The following FBXL17 variants were observed in gnomAD, a reference collection of about 807,000 sequenced individuals.
The protein encoded by FBXL17 is F-box/LRR-repeat protein 17.
A neutral mutation model predicts 66.2 loss-of-function variants in FBXL17; 22 were observed. The observed-to-expected ratio is 0.33, with a 90% CI of 0.24 to 0.47. The LOEUF is 0.47. FBXL17 is among the 20% of genes least tolerant of loss of function. FBXL17 has a pLI of 1.00. For synonymous variants in FBXL17, 474 were observed against 400.5 expected (o/e 1.18, Z -2.19); for missense variants, 878 against 948.2 (o/e 0.93, Z 0.97).
rs535921645 is a variant in FBXL17 at position 108,122,410 on chromosome 5, T to C, written c.1745+63707A>G. ...TTCATAAAGAAATACATTTTAATTT[T>C]TTGTGAAAATATCACAAATTAAGTA... On this transcript the variant is annotated intron_variant, in intron 6 of 8. Transcript: ENST00000542267. Among the ~76,000 whole-genome samples, 3 of 152,348 alleles carry C rather than the reference T, an allele frequency of 2.0e-5. No individual in the cohort carries two copies. The South Asian group carries it at 6.2e-4, about 32-fold the overall frequency.
chr5:108,214,394 G>C (rs1363476332), intron 5 of FBXL17, among the ~76,000 whole-genome samples: 1 of 143,494 alleles, frequency 7.0e-6, no homozygotes, highest in African/African-American at 2.6e-5. Context: ...TTGAGACAGA[G>C]TCTCACTCTG....
intron 6 of FBXL17, among the ~76,000 whole-genome samples, chr5:108,127,636 G>C (rs1174282455): frequency 6.6e-6 from 1 of 151,996 alleles, no homozygotes; most frequent in Non-Finnish European, 1.5e-5. Context: ...GCATGGTATT[G>C]TTTCCAATTA....
At chr5:108,227,987 G>A (rs1362054546) in intron 4 of FBXL17, among the ~76,000 whole-genome samples, 7 of 152,106 alleles carry the variant, frequency 4.6e-5, no homozygotes, top group East Asian at 1.9e-4. Flanking sequence ...ATCCATCTTC[G>A]AGGAGAGGAG....
intron 6 of FBXL17, among the ~76,000 whole-genome samples, chr5:108,134,489 A>C (rs1411894991): frequency 6.6e-6 from 1 of 152,140 alleles, no homozygotes; most frequent in Non-Finnish European, 1.5e-5. Context: ...AAGACACATA[A>C]AAATCCAACA....
intron 4 of FBXL17, among the ~76,000 whole-genome samples, chr5:108,331,136 A>G (rs554207824): frequency 5.3e-5 from 8 of 152,340 alleles, no homozygotes; most frequent in African/African-American, 1.9e-4. Flanking sequence ...TATTGTTGTC[A>G]ATGTTAAAAA....
chr5:107,970,911 C>T (rs1298460065), intron 7 of FBXL17, among the ~76,000 whole-genome samples: 3 of 152,000 alleles, frequency 2.0e-5, no homozygotes, highest in African/African-American at 7.3e-5. Context: ...CTTATGTGAG[C>T]GTCAGTTAAG....
At chr5:108,171,507 ATAACT>A (rs1256659410) in intron 6 of FBXL17, among the ~76,000 whole-genome samples, 4 of 152,242 alleles carry the variant, frequency 2.6e-5, no homozygotes, top group Non-Finnish European at 5.9e-5. Flanking sequence ...TGATAATTAA[ATAACT>A]TAATGAATGA....
intron 6 of FBXL17, among the ~76,000 whole-genome samples, chr5:108,177,078 G>C (rs116274653): frequency 1.3e-5 from 2 of 152,080 alleles, no homozygotes; most frequent in Non-Finnish European, 2.9e-5. Flanking sequence ...ATCTGCAATG[G>C]TTAAGTATTC....
At position 108,131,136 on chromosome 5, in the gene FBXL17, C is replaced by T. The variant is rs567565420; in HGVS notation, c.1745+54981G>A. Among the ~76,000 whole-genome samples, 14 of 152,196 alleles carry T rather than the reference C, an allele frequency of 9.2e-5. No homozygotes were observed. The East Asian group carries it at 2.5e-3, about 27-fold the overall frequency. ...TATGCTTGTTTTATATCTATTCTGA[C>T]ACAAACTTCTTTGTTCAAGTTATTT... On this transcript the variant is annotated intron_variant, in intron 6 of 8. Transcript: ENST00000542267.
chr5:108,306,287 G>A (rs1170319857), intron 4 of FBXL17, among the ~76,000 whole-genome samples: 1 of 151,978 alleles, frequency 6.6e-6, no homozygotes, highest in Non-Finnish European at 1.5e-5. Context: ...GAGAAACGCT[G>A]GTGATTATGC....
intron 6 of FBXL17, among the ~76,000 whole-genome samples, chr5:108,167,933 C>CTCATTT (rs1422881622): frequency 6.6e-6 from 1 of 152,106 alleles, no homozygotes. Context: ...AACGGAAAGA[C>CTCATTT]TCATTTTACA....
chr5:107,944,524 T>A (rs967897144), intron 7 of FBXL17, among the ~76,000 whole-genome samples: 3 of 152,058 alleles, frequency 2.0e-5, no homozygotes, highest in Admixed American at 6.6e-5. Context: ...AAAAATCAAA[T>A]CTGCCCTTAA....
In FBXL17 at chr5:107,956,864, G is replaced by A. The variant is rs189523451; in HGVS notation, c.1822+64061C>T. ...TGGGCAGAAGAGAGAATACTTACTG[G>A]ACAGCTTAGGAAAAAACTAAGAGAA... is the stretch of plus-strand genomic sequence containing the variant. On this transcript the variant is annotated intron_variant, in intron 7 of 8. Coordinates refer to ENST00000542267, the MANE Select transcript of FBXL17 (RefSeq NM_001163315.3). Among the ~76,000 whole-genome samples, 233 of 152,168 alleles carry A rather than the reference G, an allele frequency of 1.5e-3. 1 individual carries two copies. The highest frequency in any genetic ancestry group is 5.0e-3 in the African/African-American group (209 of 41,524).
intron 4 of FBXL17, among the ~76,000 whole-genome samples, chr5:108,297,479 A>G (rs1302063986): frequency 6.6e-6 from 1 of 151,718 alleles, no homozygotes; most frequent in Non-Finnish European, 1.5e-5. Flanking sequence ...CAAAAGCATT[A>G]CCAGTAAAAT....
chr5:108,286,843 A>G (rs1027310301), intron 4 of FBXL17, among the ~76,000 whole-genome samples: 1 of 152,086 alleles, frequency 6.6e-6, no homozygotes, highest in African/African-American at 2.4e-5. Flanking sequence ...TCCTAAGCAA[A>G]AAGAACACGT....
rs1561365252 is a variant in FBXL17 at position 108,009,278 on chromosome 5, T to TAGATAGATAGATAGATAG, written c.1822+11646_1822+11647insCTATCTATCTATCTATCT. Reference sequence around the variant, plus strand: ...TCCCTGTTTTATATATATATATATATATATATATATATATATATATATACA... The same window carrying TAGATAGATAGATAGATAG: ...TCCCTGTTTTATATATATATATATATAGATAGATAGATAGATAGATATATATATATATATATATATACA... On this transcript the variant is annotated intron_variant, in intron 7 of 8. Transcript: ENST00000542267. Among the ~76,000 whole-genome samples the TAGATAGATAGATAGATAG allele has an allele frequency of 3.0e-4, 15 of 50,550 alleles. 1 individual carries two copies. Among genetic ancestry groups the TAGATAGATAGATAGATAG allele is most frequent in the South Asian group, 5.1e-4 (1 of 1,964 alleles). The allele number at this position is 50,550 out of a possible 152,430, so 33.2% of individuals were successfully genotyped here.
At chr5:108,208,467 C>T (rs1754224104) in intron 5 of FBXL17, among the ~76,000 whole-genome samples, 1 of 152,116 alleles carries the variant, frequency 6.6e-6, no homozygotes, top group Non-Finnish European at 1.5e-5. Flanking sequence ...AGTCTTTCAC[C>T]CATCTTGAGT....
rs1313326061 is a variant in FBXL17 at position 108,380,761 on chromosome 5, G to C, written c.931C>G (p.His311Asp). 1 of 1,249,460 alleles carries C rather than the reference G, an allele frequency of 8.0e-7. No individual in the cohort carries two copies. The highest frequency in any genetic ancestry group is 1.6e-5 in the African/African-American group (1 of 64,424). 77.4% of individuals were successfully genotyped at this position (1,249,460 alleles called of 1,614,324 possible). A position where few individuals can be genotyped will look rare whatever the true frequency, so the allele number is the denominator to read the frequency against. The change falls in exon 1 of 9, where the codon CAC becomes GAC. Residue 311 changes from histidine (H) to aspartate (D), a missense_variant. Transcript: ENST00000542267. ...RESPENPCDCHREPPPETPDI... is the reference protein window; with the variant it reads ...RESPENPCDCDREPPPETPDI... The stretch of plus-strand genomic sequence containing the variant: ...GGGGTTTCGGGGGGCGGCTCCCTGT[G>C]ACAGTCGCAGGGGTTTTCGGGGGAC...
At chr5:107,929,161 A>G (rs145149940) in intron 7 of FBXL17, among the ~76,000 whole-genome samples, 128 of 152,308 alleles carry the variant, frequency 8.4e-4, no homozygotes, top group African/African-American at 2.9e-3. Flanking sequence ...TGTGAAGACT[A>G]AACAGACACA....
Sources: gnomAD v4.1 joint callset for allele counts (sites outside exome capture counted in the v4.1 genomes callset) on GRCh38, gnomAD v4.1.1 for gene constraint, MANE v1.5 for transcripts, NCBI Gene and HGNC (gene_info 2026-07-23, HGNC 2026-07-21) for gene names.